ZW10: variants seen among roughly 807,000 people sequenced by gnomAD.
ZW10 encodes the protein centromere/kinetochore protein zw10 homolog.
A neutral mutation model predicts 87.8 loss-of-function variants in ZW10; 53 were observed. That is an observed-to-expected ratio of 0.60 (90% confidence interval 0.48 to 0.76). The LOEUF is 0.76. Among genes scored for constraint, ZW10 ranks in the 30% least tolerant of loss-of-function variants. The pLI is 0.00. For synonymous variants in ZW10, 312 were observed against 329.2 expected (o/e 0.95, Z 0.57); for missense variants, 837 against 923.0 (o/e 0.91, Z 1.21).
intron 15 of ZW10, among the ~76,000 whole-genome samples, chr11:113,736,398 CA>C (rs1953553662): frequency 6.6e-6 from 1 of 152,052 alleles, no homozygotes; most frequent in Non-Finnish European, 1.5e-5. Context: ...TACTCAAGAC[CA>C]AAATAATATG....
Position 113,744,032 on chromosome 11 carries a change from A to G in ZW10, c.1281T>C (p.Pro427=). ...ACTCTGGCACATTTATCTTAGAATC[A>G]GGAATAATCTAAGATTCAAACACAA... ...SEIHNTVKII[P]DSKINVPELP... The change falls in exon 10 of 16, where the codon CCT becomes CCC. Residue 427 remains proline, a synonymous_variant. Transcript: ENST00000200135. 1.9e-6 allele frequency: 3 copies of G among 1,603,900 alleles called. No homozygotes were observed. Among genetic ancestry groups the G allele is most frequent in the Non-Finnish European group, 2.6e-6 (3 of 1,171,408 alleles).
At chr11:113,748,027 TA>T (rs1212248331) in intron 8 of ZW10, among the ~76,000 whole-genome samples, 1 of 152,186 alleles carries the variant, frequency 6.6e-6, no homozygotes, top group Non-Finnish European at 1.5e-5. Context: ...ATAGCTGATA[TA>T]AGTATAAATG....
At chr11:113,768,780 G>C in intron 2 of ZW10, 53 bp downstream of exon 2, 1 of 1,592,804 alleles carries the variant, frequency 6.3e-7, no homozygotes, top group Non-Finnish European at 8.6e-7. Flanking sequence ...TTAGCAATCA[G>C]GAAGCTGAAC....
chr11:113,767,567 C>T (rs539868985), intron 2 of ZW10, among the ~76,000 whole-genome samples: 2 of 152,034 alleles, frequency 1.3e-5, no homozygotes, highest in Non-Finnish European at 2.9e-5. Context: ...ATTTTAACTG[C>T]CTCTGAACAT....
Position 113,733,477 on chromosome 11 carries a change from G to T in ZW10, c.*217C>A. The T allele has an allele frequency of 3.6e-6, 2 of 548,160 alleles. No homozygotes were observed. Among genetic ancestry groups the T allele is most frequent in the East Asian group, 3.3e-5 (1 of 30,140 alleles). The allele number at this position is 548,160 out of a possible 1,614,324, so 34.0% of individuals were successfully genotyped here. On this transcript the variant is annotated 3_prime_UTR_variant, in exon 16 of 16. Coordinates refer to ENST00000200135, the MANE Select transcript of ZW10 (RefSeq NM_004724.4). The stretch of plus-strand genomic sequence containing the variant: ...AAAGGAAGATGGCTAGAAAGTCAAT[G>T]AATTGAGGTGCTTTACTTGACAATT...
intron 2 of ZW10, among the ~76,000 whole-genome samples, chr11:113,765,587 T>C (rs1953900904): frequency 6.6e-6 from 1 of 152,204 alleles, no homozygotes. Flanking sequence ...CTTCTCAAAC[T>C]GTAATGCATA....
intron 5 of ZW10, among the ~76,000 whole-genome samples, chr11:113,759,244 GTTCT>G (rs1372545742): frequency 6.6e-6 from 1 of 152,114 alleles, no homozygotes; most frequent in African/African-American, 2.4e-5. Context: ...TCCTTTCTAT[GTTCT>G]TTCTGCCAAA....
At chr11:113,755,317 G>T (rs1953772622) in intron 7 of ZW10, among the ~76,000 whole-genome samples, 1 of 152,226 alleles carries the variant, frequency 6.6e-6, no homozygotes, top group Non-Finnish European at 1.5e-5. Context: ...GAGTTTGGAA[G>T]AAGTTGATTC....
At chr11:113,745,095 T>C (rs957082101) in intron 9 of ZW10, among the ~76,000 whole-genome samples, 1 of 145,664 alleles carries the variant, frequency 6.9e-6, no homozygotes, top group Admixed American at 6.9e-5. Flanking sequence ...CTCCCCTTAT[T>C]AAAAAAAAAA....
intron 2 of ZW10, among the ~76,000 whole-genome samples, chr11:113,768,615 G>A (rs1953930754): frequency 6.6e-6 from 1 of 152,142 alleles, no homozygotes; most frequent in Non-Finnish European, 1.5e-5. Context: ...ACCGGGCCTG[G>A]TCAAATTTTC....
chr11:113,772,818 C>CAA (rs58651654), intron 1 of ZW10, among the ~76,000 whole-genome samples: 22,502 of 93,230 alleles, frequency 0.24, 2,110 homozygotes, highest in African/African-American at 0.27. Flanking sequence ...ACTAAAAATA[C>CAA]AAAAAAAAAA....
intron 7 of ZW10, among the ~76,000 whole-genome samples, chr11:113,750,866 T>C (rs932374369): frequency 1.3e-5 from 2 of 152,122 alleles, no homozygotes; most frequent in African/African-American, 4.8e-5. Flanking sequence ...TTGTTTTTTT[T>C]TTTAATTTTC....
At chr11:113,766,082 T>A (rs1375902019) in intron 2 of ZW10, among the ~76,000 whole-genome samples, 1 of 152,116 alleles carries the variant, frequency 6.6e-6, no homozygotes, top group African/African-American at 2.4e-5. Flanking sequence ...TACAAATCCA[T>A]GAAACTTTCC....
intron 2 of ZW10, among the ~76,000 whole-genome samples, chr11:113,762,266 A>G (rs1008542433): frequency 6.6e-6 from 1 of 152,200 alleles, no homozygotes. Context: ...GAAAACATAC[A>G]GTAAAAATAC....
At chr11:113,759,592 A>G (rs1953835056) in intron 5 of ZW10, among the ~76,000 whole-genome samples, 1 of 152,158 alleles carries the variant, frequency 6.6e-6, no homozygotes, top group Non-Finnish European at 1.5e-5. Context: ...GGCAAACAAC[A>G]CACCAAAGAG....
intron 7 of ZW10, 104 bp from the exon 8 acceptor site, chr11:113,748,524 AACAGCACAGATAATTCC>A (rs1184438013): frequency 1.1e-6 from 1 of 937,836 alleles, no homozygotes; most frequent in Non-Finnish European, 1.6e-6. Flanking sequence ...TGGGGAAGAA[AACAGCACAGATAATTCC>A]ACAGCCTTCT....
intron 8 of ZW10, 52 bp downstream of exon 8, chr11:113,748,205 C>A: frequency 6.8e-7 from 1 of 1,475,820 alleles, no homozygotes; most frequent in Non-Finnish European, 9.0e-7. Flanking sequence ...CAAAAGACAG[C>A]AATAAGAAAC....
rs929876772 is a variant in ZW10, at chr11:113,748,799, C to T, written c.926-379G>A. Among the ~76,000 whole-genome samples, 9 of 152,112 alleles carry T rather than the reference C, an allele frequency of 5.9e-5. No individual in the cohort carries two copies. In the South Asian group the frequency reaches 8.3e-4, roughly 14 times the overall value. On this transcript the variant is annotated intron_variant, in intron 7 of 15. Transcript: ENST00000200135. ...TAATAATGAATAAACATACTTTTTT[C>T]GTCTCTGCATAGAATCTGAGTGTTT...
chr11:113,760,050 T>C (rs1421982793), intron 5 of ZW10, among the ~76,000 whole-genome samples, 159 bp downstream of exon 5: 1 of 152,070 alleles, frequency 6.6e-6, no homozygotes, highest in African/African-American at 2.4e-5. Context: ...CCCAGATGAG[T>C]TGGTCCTAAG....
Sources: allele counts gnomAD v4.1 joint callset (sites outside exome capture counted in the v4.1 genomes callset), GRCh38; gene constraint gnomAD v4.1.1; transcripts MANE v1.5; gene names NCBI Gene and HGNC (gene_info 2026-07-23, HGNC 2026-07-21).